The following PPP2R3C variants were observed in gnomAD, a reference collection of about 807,000 sequenced individuals.
PPP2R3C encodes the protein protein phosphatase 2 regulatory subunit B''gamma.
PPP2R3C carries 47 observed loss-of-function variants against 63.7 expected under a neutral mutation model. The ratio of observed to expected loss-of-function variants is 0.74; its 90% CI spans 0.58 to 0.94. PPP2R3C has a LOEUF of 0.94. Among genes scored for constraint, PPP2R3C ranks in the 40% least tolerant of loss-of-function variants. PPP2R3C has a pLI of 0.00. For missense variants in PPP2R3C, 421 were observed against 518.4 expected, an observed-to-expected ratio of 0.81 and a Z score of 1.82; for synonymous variants, 180 against 177.4, an observed-to-expected ratio of 1.01 and a Z score of -0.12.
Position 35,091,070 on chromosome 14 carries a change from C to A in PPP2R3C, c.1113G>T (p.Arg371Ser). 2 of 1,599,458 alleles carry A rather than the reference C, an allele frequency of 1.3e-6. No homozygotes were observed. Among genetic ancestry groups the A allele is most frequent in the East Asian group, 4.5e-5 (2 of 44,704 alleles). The part of the protein sequence containing the change: ...LNVFSLNYFF[R>S]AIQELMKIHG... ...ACTCACTTATGCAAATGAGACTTAC[C>A]CTAAAGAAATAATTAAGTGAAAAGA... Residue 371 changes from arginine (R) to serine (S), a missense_variant and splice_region_variant, in exon 11 of 13, where the codon AGG (arginine) becomes AGT (serine). This residue lies in a region of PPP2R3C where 231 missense variants were observed against 264.8 expected (regional missense o/e 0.87). Coordinates refer to ENST00000261475, the MANE Select transcript of PPP2R3C (RefSeq NM_017917.4).
chr14:35,116,812 T>C, intron 1 of PPP2R3C, 75 bp from the exon 2 acceptor site: 13 of 1,161,006 alleles, frequency 1.1e-5, no homozygotes, highest in African/African-American at 1.6e-5. Flanking sequence ...CTATATATTA[T>C]ATTAATAGTT....
intron 2 of PPP2R3C, among the ~76,000 whole-genome samples, chr14:35,115,858 G>A (rs1013450568): frequency 1.3e-5 from 2 of 152,116 alleles, no homozygotes; most frequent in African/African-American, 4.8e-5. Context: ...CTGACCTCAT[G>A]ATCCACCACC....
chr14:35,103,497 A>G (rs1432456684), intron 6 of PPP2R3C, among the ~76,000 whole-genome samples: 2 of 152,132 alleles, frequency 1.3e-5, no homozygotes, highest in Non-Finnish European at 2.9e-5. Flanking sequence ...TTTATTTTCT[A>G]CATATAACTT....
chr14:35,094,958 A>G (rs2045947376), intron 10 of PPP2R3C, 90 bp downstream of exon 10: 7 of 1,397,298 alleles, frequency 5.0e-6, no homozygotes, highest in Middle Eastern at 1.8e-4. Context: ...TGTCTCAAAA[A>G]AAAAAGGGCT....
At chr14:35,098,103 A>T (rs1053252592) in intron 7 of PPP2R3C, among the ~76,000 whole-genome samples, 1 of 152,034 alleles carries the variant, frequency 6.6e-6, no homozygotes, top group Non-Finnish European at 1.5e-5. Context: ...GAAAAAGTAT[A>T]TATGTGTGTA....
chr14:35,117,628 TC>T (rs1306636205), intron 1 of PPP2R3C, among the ~76,000 whole-genome samples: 2 of 152,222 alleles, frequency 1.3e-5, no homozygotes, highest in African/African-American at 2.4e-5. Flanking sequence ...TGGTCTCATT[TC>T]CTTCCCAACA....
chr14:35,108,313 G>A lies in PPP2R3C; in HGVS notation c.405-77C>T. The A allele has an allele frequency of 7.6e-6, 11 of 1,451,002 alleles. No homozygotes were observed. The South Asian group carries it at 8.7e-5, about 11-fold the overall frequency. 89.9% of individuals were successfully genotyped at this position (1,451,002 alleles called of 1,614,324 possible). A position where few individuals can be genotyped will look rare whatever the true frequency, so the allele number is the denominator to read the frequency against. On this transcript the variant is annotated intron_variant, in intron 4 of 12. Transcript: ENST00000261475. Reference sequence around the variant, plus strand: ...ACTTCTACATAAATTAGCAAACAATGGCATAAATTCATACAATTAAAAATG... The same window carrying A: ...ACTTCTACATAAATTAGCAAACAATAGCATAAATTCATACAATTAAAAATG...
intron 11 of PPP2R3C, 22 bp from the exon 12 acceptor site, chr14:35,088,032 C>A (rs1213369878): frequency 2.0e-6 from 3 of 1,535,090 alleles, no homozygotes; most frequent in Non-Finnish European, 2.7e-6. Flanking sequence ...AGAAATAAAT[C>A]TGTAAATAAA....
At chr14:35,101,650 G>A (rs1566413684) in intron 6 of PPP2R3C, 1 of 152,102 alleles carries the variant, frequency 6.6e-6, no homozygotes, top group Non-Finnish European at 1.5e-5. Context: ...AATTTGATAG[G>A]GGAAAAATGG....
Position 35,116,619 on chromosome 14 carries a change from A to G in PPP2R3C, c.177T>C (p.Phe59=). The G allele has an allele frequency of 6.3e-7, 1 of 1,589,764 alleles. No homozygotes were observed. The highest frequency in any genetic ancestry group is 8.6e-7 in the Non-Finnish European group (1 of 1,167,574). Residue 59 remains phenylalanine (F), a synonymous_variant, in exon 2 of 13, where the codon TTT becomes TTC. Transcript: ENST00000261475. ...TNEFYKTIPR[F]YYRLPAEDEV... ...ATTAGACACTACTTACCCTATAATA[A>G]AACCGGGGAATGGTCTTATAGAATT...
chr14:35,089,485 G>C (rs1288976367), intron 11 of PPP2R3C, among the ~76,000 whole-genome samples: 2 of 151,812 alleles, frequency 1.3e-5, no homozygotes, highest in Non-Finnish European at 2.9e-5. Flanking sequence ...CCAGTAACCG[G>C]GACCACAGGC....
rs187794396 is a variant in PPP2R3C, at chr14:35,115,025, G to T, written c.186+1585C>A. Among the ~76,000 whole-genome samples, 1,233 of 151,746 alleles carry T rather than the reference G, an allele frequency of 8.1e-3. 13 individuals carry two copies. The highest frequency in any genetic ancestry group is 0.025 in the African/African-American group (1,050 of 41,436). On this transcript the variant is annotated intron_variant, in intron 2 of 12. Transcript: ENST00000261475. ...AAAACAAAAAGATGGGGTGTGGGGT[G>T]GTCTCACTATGTTGCCCAGGCTGGT...
At chr14:35,107,243 C>T (rs2046392671) in intron 6 of PPP2R3C, 61 bp downstream of exon 6, 1 of 1,295,256 alleles carries the variant, frequency 7.7e-7, no homozygotes, top group African/African-American at 1.5e-5. Context: ...CCAGTGATAA[C>T]TACAGTTTAC....
In PPP2R3C at chr14:35,099,293, G is replaced by T; in HGVS notation, c.665C>A (p.Ala222Glu). The part of the protein sequence containing the change: ...KSFYSFYVCT[A>E]VRKFFFFLDP... ...TAAAAAGAAGAAGAACTTCCTAACT[G>T]CTGTACAAACATAAAAGGAGTAGAA... Residue 222 changes from alanine to glutamate, a missense_variant, in exon 7 of 13, where the codon GCA becomes GAA. By Grantham distance (107) the Ala-to-Glu change is moderately radical (BLOSUM62 -1). Coordinates refer to ENST00000261475, the MANE Select transcript of PPP2R3C (RefSeq NM_017917.4). 1.2e-6 allele frequency: 2 copies of T among 1,601,418 alleles called. No individual in the cohort carries two copies. Among genetic ancestry groups the T allele is most frequent in the Non-Finnish European group, 1.7e-6 (2 of 1,177,110 alleles).
intron 6 of PPP2R3C, chr14:35,100,978 A>G (rs958862397): frequency 6.6e-6 from 1 of 151,870 alleles, no homozygotes; most frequent in Non-Finnish European, 1.5e-5. Context: ...TGTCATGAAT[A>G]TATTCCTTTT....
chr14:35,089,430 A>G (rs963831902), intron 11 of PPP2R3C, among the ~76,000 whole-genome samples: 2 of 151,820 alleles, frequency 1.3e-5, no homozygotes, highest in African/African-American at 4.8e-5. Flanking sequence ...GGTTTATTTC[A>G]ACATAGCAAA....
intron 1 of PPP2R3C, among the ~76,000 whole-genome samples, chr14:35,121,312 G>T (rs2046880778): frequency 6.6e-6 from 1 of 152,106 alleles, no homozygotes; most frequent in South Asian, 2.1e-4. Context: ...GGGAGGCAGA[G>T]GTTGCAGTGA....
chr14:35,104,475 A>ATTAATTAAC (rs2046288140), intron 6 of PPP2R3C, among the ~76,000 whole-genome samples: 1 of 152,060 alleles, frequency 6.6e-6, no homozygotes, highest in Non-Finnish European at 1.5e-5. Flanking sequence ...TTCATGCCCA[A>ATTAATTAAC]CTCCCTTCCC....
chr14:35,116,568 C>T (rs2046715408), intron 2 of PPP2R3C, 42 bp downstream of exon 2: 1 of 1,456,158 alleles, frequency 6.9e-7, no homozygotes, highest in Non-Finnish European at 9.1e-7. Context: ...AATTATATTT[C>T]ATTTTTAAAC....
Sources: gnomAD v4.1 joint callset for allele counts (sites outside exome capture counted in the v4.1 genomes callset) on GRCh38, gnomAD v4.1.1 for gene constraint, gnomAD v4.1.1 regional missense constraint, MANE v1.5 for transcripts, NCBI Gene and HGNC (gene_info 2026-07-23, HGNC 2026-07-21) for gene names.